Variants in VAV3 observed in about 807,000 individuals in gnomAD.
VAV3 encodes the protein guanine nucleotide exchange factor VAV3.
Under a neutral mutation model 131.2 loss-of-function variants are expected in VAV3, and 94 were observed. The ratio of observed to expected loss-of-function variants is 0.72; its 90% confidence interval spans 0.61 to 0.85. The LOEUF (loss-of-function observed/expected upper bound fraction) is 0.85. Ranked by LOEUF, VAV3 falls within the 40% of genes least tolerant of loss-of-function variation. VAV3 has a pLI of 0.00. For missense variants in VAV3, 939 were observed against 1,002.7 expected, an observed-to-expected ratio of 0.94 and a Z score of 0.86; for synonymous variants, 349 against 342.0, an observed-to-expected ratio of 1.02 and a Z score of -0.22.
rs551306311 is a variant in VAV3, at chr1:107,892,702, A to G, written c.205-17685T>C. On this transcript the variant is annotated intron_variant, in intron 1 of 26. Transcript: ENST00000370056. ...CATCAATATATATTCACTAAAAATT[A>G]TAGACATTCTAAAATTATTTTGTCA... Among the ~76,000 whole-genome samples, 12 of 152,346 alleles carry G rather than the reference A, an allele frequency of 7.9e-5. No individual in the cohort carries two copies. In the South Asian group the frequency reaches 2.1e-3, roughly 26 times the overall value.
chr1:107,957,042 T>C (rs1674848213), intron 1 of VAV3, among the ~76,000 whole-genome samples: 1 of 152,080 alleles, frequency 6.6e-6, no homozygotes, highest in Non-Finnish European at 1.5e-5. Flanking sequence ...AAGAAAGGGG[T>C]ATTAAGAGAG....
chr1:107,845,428 C>T (rs1668918021), intron 2 of VAV3, among the ~76,000 whole-genome samples: 3 of 152,082 alleles, frequency 2.0e-5, no homozygotes, highest in African/African-American at 4.8e-5. Context: ...AGCAAGGGAA[C>T]AAAACTGGAA....
rs555634773 is a variant in VAV3, at chr1:107,904,797, G to A, written c.205-29780C>T. ...TTCTCTTTTGGGGTAAGAGGGTGGA[G>A]AGAGAGGCACACAATAATGAACTTA... On this transcript the variant is annotated intron_variant, in intron 1 of 26. Transcript: ENST00000370056. Among the ~76,000 whole-genome samples, 6 of 152,140 alleles carry A rather than the reference G, an allele frequency of 3.9e-5. No individual in the cohort carries two copies. The South Asian group carries it at 8.3e-4, about 21-fold the overall frequency.
chr1:107,753,561 C>CACA (rs534112081), intron 12 of VAV3, among the ~76,000 whole-genome samples: 1 of 81,550 alleles, frequency 1.2e-5, no homozygotes, highest in African/African-American at 4.7e-5. Flanking sequence ...CACACACACA[C>CACA]TTTTTTTTTT....
intron 1 of VAV3, among the ~76,000 whole-genome samples, chr1:107,904,871 C>T (rs1013026791): frequency 6.6e-6 from 1 of 152,032 alleles, no homozygotes; most frequent in Non-Finnish European, 1.5e-5. Flanking sequence ...AATGCTATAG[C>T]ATGGTTATAT....
chr1:107,880,444 G>A (rs1670709170), intron 1 of VAV3, among the ~76,000 whole-genome samples: 1 of 152,130 alleles, frequency 6.6e-6, no homozygotes, highest in Non-Finnish European at 1.5e-5. Flanking sequence ...GGATGTCCAT[G>A]GCATGCCAAA....
chr1:107,745,968 C>G (rs1663317756), intron 15 of VAV3, among the ~76,000 whole-genome samples: 1 of 152,172 alleles, frequency 6.6e-6, no homozygotes, highest in South Asian at 2.1e-4. Context: ...TGTGGAGATA[C>G]ACAAGGCTTG....
At chr1:107,940,906 A>G (rs1331428858) in intron 1 of VAV3, among the ~76,000 whole-genome samples, 1 of 152,120 alleles carries the variant, frequency 6.6e-6, no homozygotes, top group Non-Finnish European at 1.5e-5. Context: ...TGATTGCACA[A>G]CAGTGTGAAT....
At chr1:107,783,692 C>T (rs1034666524) in intron 2 of VAV3, among the ~76,000 whole-genome samples, 4 of 152,024 alleles carry the variant, frequency 2.6e-5, no homozygotes, top group Non-Finnish European at 5.9e-5. Flanking sequence ...CCCCATAGGA[C>T]CCCGGACATA....
At chr1:107,832,406 G>A (rs1668294351) in intron 2 of VAV3, among the ~76,000 whole-genome samples, 1 of 152,198 alleles carries the variant, frequency 6.6e-6, no homozygotes, top group African/African-American at 2.4e-5. Context: ...CTTCGAAAAT[G>A]TTTGGAATTC....
chr1:107,774,805 AT>A (rs1665245580), intron 4 of VAV3, among the ~76,000 whole-genome samples: 1 of 152,154 alleles, frequency 6.6e-6, no homozygotes, highest in Admixed American at 6.5e-5. Flanking sequence ...CAGCCCCAAA[AT>A]TTAGAGTTAA....
chr1:107,596,094 G>T, intron 25 of VAV3, 118 bp downstream of exon 25: 2 of 1,337,152 alleles, frequency 1.5e-6, no homozygotes, highest in Non-Finnish European at 2.0e-6. Context: ...AGAAGTCCTT[G>T]CTCATGCATT....
intron 25 of VAV3, among the ~76,000 whole-genome samples, chr1:107,579,443 G>T (rs1649880247): frequency 6.6e-6 from 1 of 152,130 alleles, no homozygotes; most frequent in African/African-American, 2.4e-5. Context: ...CCCCCTGCAA[G>T]AACTCTCCTG....
intron 1 of VAV3, among the ~76,000 whole-genome samples, chr1:107,908,827 ACAC>A (rs1290854734): frequency 5.0e-4 from 6 of 12,120 alleles, no homozygotes; most frequent in African/African-American, 9.7e-4. Flanking sequence ...TCAAACACAC[ACAC>A]ACACACACAC....
chr1:107,798,336 G>A (rs536248834), intron 2 of VAV3, among the ~76,000 whole-genome samples: 85 of 152,090 alleles, frequency 5.6e-4, no homozygotes, highest in Non-Finnish European at 1.1e-3. Context: ...CCTGACCACT[G>A]CTCAAGGTGG....
In VAV3 at chr1:107,964,889, C is replaced by T. The variant is rs375954726; in HGVS notation, c.-20G>A. On this transcript the variant is annotated 5_prime_UTR_variant, in exon 1 of 27. Transcript: ENST00000370056. ...CTCCATGCCCGACGGCTCCGGGACGCGGCTGGGCCGGGGCGGGCGGCAAGG... is the reference window on the plus strand; with the variant it reads ...CTCCATGCCCGACGGCTCCGGGACGTGGCTGGGCCGGGGCGGGCGGCAAGG... 52 of 1,431,638 alleles carry T rather than the reference C, an allele frequency of 3.6e-5. No homozygotes were observed. The highest frequency in any genetic ancestry group is 4.7e-5 in the Non-Finnish European group (51 of 1,078,948). The allele number at this position is 1,431,638 out of a possible 1,614,324, so 88.7% of individuals were successfully genotyped here.
At chr1:107,841,422 G>A (rs1668703867) in intron 2 of VAV3, among the ~76,000 whole-genome samples, 1 of 152,134 alleles carries the variant, frequency 6.6e-6, no homozygotes, top group Non-Finnish European at 1.5e-5. Flanking sequence ...AACAGTAGCG[G>A]TTGCTATTTT....
At chr1:107,663,027 A>G (rs972514883) in intron 19 of VAV3, among the ~76,000 whole-genome samples, 1 of 152,164 alleles carries the variant, frequency 6.6e-6, no homozygotes, top group African/African-American at 2.4e-5. Flanking sequence ...GCATATTTTA[A>G]ATATGTTGAA....
chr1:107,929,631 G>A (rs1025037375), intron 1 of VAV3, among the ~76,000 whole-genome samples: 5 of 152,126 alleles, frequency 3.3e-5, no homozygotes, highest in Non-Finnish European at 5.9e-5. Flanking sequence ...TTTCCAGACA[G>A]ACAGTACAAT....
Sources: gnomAD v4.1 joint callset for allele counts (sites outside exome capture counted in the v4.1 genomes callset) on GRCh38, gnomAD v4.1.1 for gene constraint, MANE v1.5 for transcripts, NCBI Gene and HGNC (gene_info 2026-07-23, HGNC 2026-07-21) for gene names.